DCAF8L2: variants seen among roughly 807,000 people sequenced by gnomAD.
The protein encoded by DCAF8L2 is DDB1- and CUL4-associated factor 8-like protein 2.
For missense variants in DCAF8L2, 430 were observed against 490.7 expected (o/e 0.88, Z 1.17); for synonymous variants, 200 against 190.9 (o/e 1.05, Z -0.39).
upstream of DCAF8L2, among the ~76,000 whole-genome samples, chrX:27,589,263 G>A (rs1042357118): frequency 9.0e-6 from 1 of 111,658 alleles, no homozygotes; most frequent in African/African-American, 3.3e-5. Context: ...AATGTTTACA[G>A]AGAGGTTATA....
At chrX:27,690,404 G>A (rs1180128764) in intron 3 of DCAF8L2, among the ~76,000 whole-genome samples, 1 of 111,530 alleles carries the variant, frequency 9.0e-6, no homozygotes, top group Admixed American at 9.6e-5. Context: ...AGCATGTGAT[G>A]ATCTACAGAA....
In DCAF8L2 at chrX:27,747,369, C is replaced by G; in HGVS notation, c.474C>G (p.Gly158=). 8.6e-7 allele frequency: 1 copy of G among 1,165,584 alleles called. No individual in the cohort carries two copies. Among genetic ancestry groups the G allele is most frequent in the South Asian group, 1.9e-5 (1 of 52,518 alleles). ...QPRAGPQGSG[G]NHEQYSLEED... Reference sequence around the variant, plus strand: ...GGGCGGGTCCACAAGGCAGTGGCGGCAACCATGAGCAGTATTCGTTAGAGG... The same window carrying G: ...GGGCGGGTCCACAAGGCAGTGGCGGGAACCATGAGCAGTATTCGTTAGAGG... The change falls in exon 5 of 5, where the codon GGC becomes GGG. Residue 158 remains glycine (G), a synonymous_variant. Transcript: ENST00000451261.
At chrX:27,655,420 T>C (rs1929315143) in intron 2 of DCAF8L2, among the ~76,000 whole-genome samples, 1 of 112,100 alleles carries the variant, frequency 8.9e-6, no homozygotes. Context: ...ACCATCGACA[T>C]AAAAAGCTCT....
chrX:27,700,944 A>G (rs1239889004), intron 3 of DCAF8L2, among the ~76,000 whole-genome samples: 1 of 111,409 alleles, frequency 9.0e-6, no homozygotes, highest in Non-Finnish European at 1.9e-5. Flanking sequence ...AATTCCTTGT[A>G]AGTTAAAGTC....
At chrX:27,508,711 A>C in the DCAF8L2 span, among the ~76,000 whole-genome samples, 1 of 103,099 alleles carries the variant, frequency 9.7e-6, no homozygotes, top group Admixed American at 1.1e-4. Context: ...ATACTAGATG[A>C]GATTGGATTG....
rs192195225 is a variant in DCAF8L2, at chrX:27,612,864, G to C, written c.-341-19015G>C. ...TTGGTTACTGTAGCCTTGTGGTATAGTTTGAAGTCAGGTAGCGTGATACCT... is the reference window on the plus strand; with the variant it reads ...TTGGTTACTGTAGCCTTGTGGTATACTTTGAAGTCAGGTAGCGTGATACCT... On this transcript the variant is annotated intron_variant, in intron 1 of 4. Coordinates refer to ENST00000451261, the MANE Select transcript of DCAF8L2 (RefSeq NM_001353450.2). Among the ~76,000 whole-genome samples the C allele has an allele frequency of 9.8e-5, 11 of 111,857 alleles. No individual in the cohort carries two copies. The East Asian group carries it at 2.8e-3, about 29-fold the overall frequency.
At chrX:27,692,820 A>T (rs1930760071) in intron 3 of DCAF8L2, among the ~76,000 whole-genome samples, 1 of 111,043 alleles carries the variant, frequency 9.0e-6, no homozygotes, top group South Asian at 3.8e-4. Context: ...AAGGAGTTCT[A>T]CTACCATTTA....
the DCAF8L2 span, among the ~76,000 whole-genome samples, chrX:27,482,326 A>T: frequency 1.8e-5 from 2 of 111,683 alleles, no homozygotes; most frequent in African/African-American, 6.5e-5. Context: ...TTTAGAGGTA[A>T]TTCAGTGAGT....
chrX:27,539,648 T>A, the DCAF8L2 span, among the ~76,000 whole-genome samples: 2 of 111,683 alleles, frequency 1.8e-5, no homozygotes, highest in Non-Finnish European at 3.8e-5. Flanking sequence ...AGAATCTACA[T>A]TCTGTGTCTG....
the DCAF8L2 span, among the ~76,000 whole-genome samples, chrX:27,533,232 A>AAGAAAGAAAGAAAGAAAGAG: frequency 2.7e-5 from 1 of 36,966 alleles, no homozygotes; most frequent in Non-Finnish European, 6.3e-5. Flanking sequence ...GAAAGAAAGA[A>AAGAAAGAAAGAAAGAAAGAG]AGAGAAAGAA....
the DCAF8L2 span, among the ~76,000 whole-genome samples, chrX:27,575,188 C>T: frequency 9.0e-5 from 10 of 111,490 alleles, no homozygotes; most frequent in Non-Finnish European, 1.7e-4. Flanking sequence ...TGGTTGATGG[C>T]CTGCTGGCAT....
chrX:27,566,589 T>C, the DCAF8L2 span, among the ~76,000 whole-genome samples: 1 of 111,310 alleles, frequency 9.0e-6, no homozygotes, highest in African/African-American at 3.3e-5. Flanking sequence ...TAATGTCTCC[T>C]TTTGCATTTC....
the DCAF8L2 span, among the ~76,000 whole-genome samples, chrX:27,502,335 A>AAAATAT: frequency 3.1e-3 from 39 of 12,686 alleles, no homozygotes; most frequent in Admixed American, 7.2e-3. Context: ...AAAAAAAAAA[A>AAAATAT]ATATATATAT....
intron 1 of DCAF8L2, among the ~76,000 whole-genome samples, chrX:27,619,894 A>G (rs995825449): frequency 8.9e-6 from 1 of 111,885 alleles, no homozygotes; most frequent in African/African-American, 3.2e-5. Flanking sequence ...AATATTTGCA[A>G]TACATGCTAC....
upstream of DCAF8L2, among the ~76,000 whole-genome samples, chrX:27,587,326 A>G (rs1241435291): frequency 9.0e-6 from 1 of 111,555 alleles, no homozygotes; most frequent in African/African-American, 3.3e-5. Context: ...TAAGAGGTGA[A>G]ATGCAAGATA....
At chrX:27,640,162 G>T (rs1010175939) in intron 2 of DCAF8L2, among the ~76,000 whole-genome samples, 1 of 111,207 alleles carries the variant, frequency 9.0e-6, no homozygotes, top group African/African-American at 3.3e-5. Context: ...GCAAACTATC[G>T]CAAGGACAAA....
chrX:27,553,431 C>T, the DCAF8L2 span, among the ~76,000 whole-genome samples: 162 of 111,138 alleles, frequency 1.5e-3, 7 homozygotes, highest in South Asian at 2.7e-3. Flanking sequence ...TTCTGGGCTC[C>T]GGTGTTGGGT....
At chrX:27,555,675 A>G in the DCAF8L2 span, among the ~76,000 whole-genome samples, 1 of 111,924 alleles carries the variant, frequency 8.9e-6, no homozygotes, top group African/African-American at 3.3e-5. Context: ...CAGTGAATAC[A>G]ATGTTAAACT....
At chrX:27,473,678 ACT>A in the DCAF8L2 span, among the ~76,000 whole-genome samples, 2 of 110,050 alleles carry the variant, frequency 1.8e-5, no homozygotes, top group Non-Finnish European at 3.8e-5. Context: ...ACAACAACTA[ACT>A]CTAGTTGCAT....
Sources: gnomAD v4.1 joint callset for allele counts (sites outside exome capture counted in the v4.1 genomes callset) on GRCh38, gnomAD v4.1.1 for gene constraint, MANE v1.5 for transcripts, NCBI Gene and HGNC (gene_info 2026-07-23, HGNC 2026-07-21) for gene names.